MYT1L: variants seen among roughly 807,000 people sequenced by gnomAD.
The protein encoded by MYT1L is myelin transcription factor 1 like.
MYT1L carries 12 observed loss-of-function variants against 126.7 expected under a neutral mutation model. The ratio of observed to expected loss-of-function variants is 0.09; its 90% CI spans 0.06 to 0.15. The LOEUF is 0.15. Ranked by LOEUF, MYT1L falls within the 10% of genes least tolerant of loss-of-function variation. The probability of loss-of-function intolerance (pLI) is 1.00; values close to 1 mark genes in which losing one functional copy is unlikely to be tolerated. For synonymous variants in MYT1L, 541 were observed against 604.2 expected (o/e 0.90, Z 1.53); for missense variants, 979 against 1,585.2 (o/e 0.62, Z 6.49).
chr2:1,889,543 C>T lies in MYT1L; in HGVS notation c.2284-66G>A. The T allele has an allele frequency of 1.5e-6, 2 of 1,306,084 alleles. No homozygotes were observed. Among genetic ancestry groups the T allele is most frequent in the South Asian group, 1.4e-5 (1 of 71,636 alleles). 80.9% of individuals were successfully genotyped at this position (1,306,084 alleles called of 1,614,324 possible). A position where few individuals can be genotyped will look rare whatever the true frequency, so the allele number is the denominator to read the frequency against. Reference sequence around the variant, plus strand: ...TCTTGTGACACCACGAGTCCTTCCTCCCAGATTACAGTCCTGCCGTCAGCC... The same window carrying T: ...TCTTGTGACACCACGAGTCCTTCCTTCCAGATTACAGTCCTGCCGTCAGCC... On this transcript the variant is annotated intron_variant, in intron 15 of 24. Transcript: ENST00000647738. The surrounding 1 kb of genome is among the most constrained non-coding windows in gnomAD (Gnocchi z 4.1).
At chr2:2,201,509 C>A (rs113092141) in intron 2 of MYT1L, among the ~76,000 whole-genome samples, 6 of 152,000 alleles carry the variant, frequency 3.9e-5, no homozygotes, top group Non-Finnish European at 8.8e-5. Flanking sequence ...ACCAGCCTGG[C>A]AAACACAGTG....
intron 2 of MYT1L, among the ~76,000 whole-genome samples, chr2:2,213,224 AC>A (rs2093582994): frequency 6.6e-6 from 1 of 152,188 alleles, no homozygotes; most frequent in Non-Finnish European, 1.5e-5. Context: ...GAGATAGAAA[AC>A]AAAATGCTTG....
chr2:1,993,286 A>G (rs1444461361), intron 5 of MYT1L, among the ~76,000 whole-genome samples: 1 of 152,154 alleles, frequency 6.6e-6, no homozygotes, highest in African/African-American at 2.4e-5. Context: ...ACAGGCACAC[A>G]GGGGTCCGCC....
intron 22 of MYT1L, among the ~76,000 whole-genome samples, chr2:1,802,840 T>G (rs1405282571): frequency 6.6e-6 from 1 of 152,118 alleles, no homozygotes; most frequent in Non-Finnish European, 1.5e-5. Context: ...CCCTAGAAAA[T>G]TCAGGATTTG....
At chr2:2,024,491 T>G (rs1298970353) in intron 4 of MYT1L, among the ~76,000 whole-genome samples, 1 of 152,242 alleles carries the variant, frequency 6.6e-6, no homozygotes, top group Non-Finnish European at 1.5e-5. Context: ...TTTCTATTCC[T>G]TCCTCTGCCA....
At chr2:2,129,576 C>T (rs1028942532) in intron 3 of MYT1L, among the ~76,000 whole-genome samples, 4 of 152,092 alleles carry the variant, frequency 2.6e-5, no homozygotes, top group Non-Finnish European at 4.4e-5. Context: ...GACAAGTGAC[C>T]GCAGCCACAA....
intron 3 of MYT1L, among the ~76,000 whole-genome samples, chr2:2,058,425 TG>T (rs2069911540): frequency 6.6e-6 from 1 of 152,258 alleles, no homozygotes; most frequent in Non-Finnish European, 1.5e-5. Flanking sequence ...TTAATTTTAG[TG>T]ACATCCAATT....
chr2:2,301,052 C>T (rs2095774893), intron 1 of MYT1L, among the ~76,000 whole-genome samples: 1 of 152,106 alleles, frequency 6.6e-6, no homozygotes, highest in Non-Finnish European at 1.5e-5. Flanking sequence ...TAAACCCAGA[C>T]CTTTTGCTCT....
chr2:2,313,777 A>G (rs1285610503), intron 1 of MYT1L, among the ~76,000 whole-genome samples: 3 of 152,156 alleles, frequency 2.0e-5, no homozygotes, highest in African/African-American at 7.2e-5. Flanking sequence ...TTTAAATTTG[A>G]TCTTAGTCTA....
intron 22 of MYT1L, among the ~76,000 whole-genome samples, chr2:1,807,624 G>A (rs2035920494): frequency 6.6e-6 from 1 of 152,174 alleles, no homozygotes; most frequent in Admixed American, 6.5e-5. Context: ...AAGCTGAGAA[G>A]GGGAGGCTGG....
chr2:2,302,613 C>A (rs1017014636), intron 1 of MYT1L, among the ~76,000 whole-genome samples: 1 of 152,150 alleles, frequency 6.6e-6, no homozygotes, highest in African/African-American at 2.4e-5. Context: ...ACAATGAGTT[C>A]TTTCCGTCCC....
At chr2:1,970,308 A>T (rs1340249707) in intron 8 of MYT1L, among the ~76,000 whole-genome samples, 1 of 152,132 alleles carries the variant, frequency 6.6e-6, no homozygotes, top group Non-Finnish European at 1.5e-5. Flanking sequence ...GATGCTCATG[A>T]ACCTGGCTAC....
intron 3 of MYT1L, among the ~76,000 whole-genome samples, chr2:2,110,171 C>G: frequency 6.6e-6 from 1 of 151,620 alleles, no homozygotes; most frequent in Non-Finnish European, 1.5e-5. Flanking sequence ...AACCAGTCAT[C>G]GTACAGAGGC....
intron 8 of MYT1L, among the ~76,000 whole-genome samples, chr2:1,960,518 G>T (rs992930343): frequency 2.6e-5 from 4 of 152,216 alleles, no homozygotes; most frequent in African/African-American, 9.6e-5. Flanking sequence ...TAATGCATTT[G>T]TAAGTGGCAT....
At chr2:2,324,218 G>T (rs139799903) in intron 1 of MYT1L, 1 of 152,130 alleles carries the variant, frequency 6.6e-6, no homozygotes, top group African/African-American at 2.4e-5. Context: ...AAACAAAGTC[G>T]TCCCAATGAA....
Position 1,929,089 on chromosome 2 carries a change from G to A in MYT1L, c.506-5826C>T, listed in dbSNP as rs980502342. On this transcript the variant is annotated intron_variant, in intron 9 of 24. Coordinates refer to ENST00000647738, the MANE Select transcript of MYT1L (RefSeq NM_001303052.2). The surrounding 1 kb of genome is among the most constrained non-coding windows in gnomAD (Gnocchi z 4.7). ...CCTGGCCAGGACCAGGCGGAGAAGC[G>A]TGAGTTCATTTCCCTCTCGCTTCAA... 3.9e-5 allele frequency among the ~76,000 whole-genome samples: 6 copies of A among 152,168 alleles called. No homozygotes were observed. Among genetic ancestry groups the A allele is most frequent in the Admixed American group, 1.3e-4 (2 of 15,280 alleles).
chr2:2,122,872 TGAGAGA>T (rs57060194), intron 3 of MYT1L, among the ~76,000 whole-genome samples: 5 of 132,992 alleles, frequency 3.8e-5, no homozygotes, highest in Non-Finnish European at 8.0e-5. Context: ...TGTGTGTGTG[TGAGAGA>T]GAGAGAGAGA....
intron 1 of MYT1L, among the ~76,000 whole-genome samples, chr2:2,290,070 G>A (rs757033311): frequency 3.9e-5 from 6 of 152,198 alleles, no homozygotes; most frequent in African/African-American, 7.2e-5. Flanking sequence ...ACTCAGCATC[G>A]CAACGCTGCC....
chr2:2,160,934 G>A (rs2087777461), intron 3 of MYT1L, among the ~76,000 whole-genome samples: 1 of 152,056 alleles, frequency 6.6e-6, no homozygotes, highest in African/African-American at 2.4e-5. Context: ...AAAACAAACT[G>A]GGCCAGGCAC....
Sources: allele counts gnomAD v4.1 joint callset (sites outside exome capture counted in the v4.1 genomes callset), GRCh38; gene constraint gnomAD v4.1.1; non-coding constraint Gnocchi (gnomAD v3.1); transcripts MANE v1.5; gene names NCBI Gene and HGNC (gene_info 2026-07-23, HGNC 2026-07-21).